The following SPTLC2 variants were observed in gnomAD, a reference collection of about 807,000 sequenced individuals.
SPTLC2 encodes serine palmitoyltransferase long chain base subunit 2, also known as serine palmitoyltransferase 2.
In SPTLC2, 21 loss-of-function variants were observed where a neutral mutation model predicts 62.0. The observed-to-expected ratio is 0.34, with a 90% confidence interval of 0.24 to 0.49. The LOEUF (loss-of-function observed/expected upper bound fraction) is 0.49. SPTLC2 is among the 20% of genes least tolerant of loss of function. The pLI, the probability that SPTLC2 is intolerant of heterozygous loss-of-function variation, is 0.99. For missense variants in SPTLC2, 511 were observed against 713.0 expected (o/e 0.72, Z 3.23); for synonymous variants, 261 against 261.8 (o/e 1.00, Z 0.03).
At chr14:77,537,698 A>T (rs2079478340) in intron 9 of SPTLC2, among the ~76,000 whole-genome samples, 1 of 152,210 alleles carries the variant, frequency 6.6e-6, no homozygotes, top group African/African-American at 2.4e-5. Context: ...ACTAGTAACT[A>T]TGTGTCCTTG....
At chr14:77,586,601 G>C (rs1261098165) in intron 2 of SPTLC2, among the ~76,000 whole-genome samples, 4 of 152,226 alleles carry the variant, frequency 2.6e-5, no homozygotes, top group African/African-American at 9.6e-5. Flanking sequence ...TTGCTACAAT[G>C]GTACATGAAT....
At chr14:77,592,220 C>T (rs1276814315) in intron 2 of SPTLC2, among the ~76,000 whole-genome samples, 2 of 151,830 alleles carry the variant, frequency 1.3e-5, no homozygotes, top group African/African-American at 4.8e-5. Context: ...CTGCAACTTC[C>T]GCCTCCCAGG....
rs973768589 is a variant in SPTLC2, at chr14:77,509,599, G to A, written c.*2685C>T. On this transcript the variant is annotated 3_prime_UTR_variant, in exon 12 of 12. Transcript: ENST00000216484. Reference sequence around the variant, plus strand: ...AATCAGGCCGTGTTAAACTGTGTAAGAAACTACTCTTGTATGCCTCAAATC... The same window carrying A: ...AATCAGGCCGTGTTAAACTGTGTAAAAAACTACTCTTGTATGCCTCAAATC... 5.0e-5 allele frequency: 15 copies of A among 300,818 alleles called. No homozygotes were observed. The highest frequency in any genetic ancestry group is 8.5e-5 in the Non-Finnish European group (14 of 164,956). The allele number at this position is 300,818 out of a possible 1,614,324, so 18.6% of individuals were successfully genotyped here. A position where few individuals can be genotyped will look rare whatever the true frequency, so the allele number is the denominator to read the frequency against.
intron 9 of SPTLC2, among the ~76,000 whole-genome samples, chr14:77,544,189 G>A (rs2079516631): frequency 6.6e-6 from 1 of 152,026 alleles, no homozygotes; most frequent in Non-Finnish European, 1.5e-5. Context: ...AGAATTTTTT[G>A]TAGAGACAGA....
intron 7 of SPTLC2, 63 bp from the exon 8 acceptor site, chr14:77,555,582 G>A: frequency 2.6e-6 from 4 of 1,510,460 alleles, no homozygotes; most frequent in Non-Finnish European, 2.7e-6. Context: ...AATCAAAATT[G>A]GGAGTTTGGC....
Position 77,507,416 on chromosome 14 carries a change from T to A in SPTLC2, c.*4868A>T, listed in dbSNP as rs1734129103. The A allele has an allele frequency of 6.6e-6, 1 of 151,856 alleles. No homozygotes were observed. The highest frequency in any genetic ancestry group is 2.1e-4 in the South Asian group (1 of 4,812). The allele number at this position is 151,856 out of a possible 1,614,324, so 9.4% of individuals were successfully genotyped here. A position where few individuals can be genotyped will look rare whatever the true frequency, so the allele number is the denominator to read the frequency against. On this transcript the variant is annotated 3_prime_UTR_variant, in exon 12 of 12. Transcript: ENST00000216484. ...TGTGATCTTGGCTCATTGCATCCTC[T>A]GCCTCTTGGGTTCAAGCAATTCCTG... is the stretch of plus-strand genomic sequence containing the variant.
In SPTLC2 at chr14:77,511,672, G is replaced by A. The variant is rs2079332808; in HGVS notation, c.*612C>T. 1 of 158,616 alleles carries A rather than the reference G, an allele frequency of 6.3e-6. No homozygotes were observed. Among genetic ancestry groups the A allele is most frequent in the African/African-American group, 2.4e-5 (1 of 41,478 alleles). 9.8% of individuals were successfully genotyped at this position (158,616 alleles called of 1,614,324 possible). On this transcript the variant is annotated 3_prime_UTR_variant, in exon 12 of 12. Transcript: ENST00000216484. ...TGGTGACCAGAAGAAAATGGAATAA[G>A]ACCAAACCCTTGGGAGATTACACAA...
chr14:77,601,941 C>T (rs749077155), intron 1 of SPTLC2, among the ~76,000 whole-genome samples: 6 of 152,196 alleles, frequency 3.9e-5, no homozygotes, highest in East Asian at 1.9e-4. Flanking sequence ...TTAATCATTG[C>T]AGGGATGCCT....
intron 8 of SPTLC2, among the ~76,000 whole-genome samples, chr14:77,554,559 C>T (rs902750730): frequency 2.0e-5 from 3 of 152,314 alleles, no homozygotes; most frequent in East Asian, 3.9e-4. Context: ...GGTGCACCCA[C>T]GTTGTAGCAT....
chr14:77,591,601 T>A (rs1181736669), intron 2 of SPTLC2, among the ~76,000 whole-genome samples: 5 of 152,168 alleles, frequency 3.3e-5, no homozygotes, highest in African/African-American at 1.2e-4. Flanking sequence ...CGCTCCATTG[T>A]CCAGGGTGGA....
chr14:77,561,065 G>A (rs569898489), intron 6 of SPTLC2, among the ~76,000 whole-genome samples: 3 of 150,938 alleles, frequency 2.0e-5, no homozygotes, highest in African/African-American at 7.3e-5. Flanking sequence ...GAGGCAATTT[G>A]GAAAAGTATT....
rs59356054 is a variant in SPTLC2 at position 77,565,242 on chromosome 14, C to CAAAAAAAAAAA, written c.757-2764_757-2754dup. Among the ~76,000 whole-genome samples the CAAAAAAAAAAA allele has an allele frequency of 8.0e-4, 27 of 33,708 alleles. 1 individual carries two copies. The highest frequency in any genetic ancestry group is 1.5e-3 in the South Asian group (1 of 668). 22.1% of individuals were successfully genotyped at this position (33,708 alleles called of 152,430 possible). A position where few individuals can be genotyped will look rare whatever the true frequency, so the allele number is the denominator to read the frequency against. ...GGGCAACAAGAGCAAAACTCCATCTCAAAAAAAAAAAAAAAAAAAAAAAAA... is the reference window on the plus strand; with the variant it reads ...GGGCAACAAGAGCAAAACTCCATCTCAAAAAAAAAAAAAAAAAAAAAAAAAAAAAAAAAAAA... On this transcript the variant is annotated intron_variant, in intron 5 of 11. Transcript: ENST00000216484.
rs560789738 is a variant in SPTLC2 at position 77,520,824 on chromosome 14, A to G, written c.1439+622T>C. Among the ~76,000 whole-genome samples the G allele has an allele frequency of 3.6e-3, 546 of 152,298 alleles. 1 individual carries two copies. The highest frequency in any genetic ancestry group is 5.8e-3 in the Non-Finnish European group (394 of 68,020). On this transcript the variant is annotated intron_variant, in intron 10 of 11. Coordinates refer to ENST00000216484, the MANE Select transcript of SPTLC2 (RefSeq NM_004863.4). ...ACTCTGATAAAACCTCTCTGACCTC[A>G]TGGCCCACTGCTCGCCCTGGGGCAC...
At chr14:77,560,217 T>G (rs547988181) in intron 6 of SPTLC2, among the ~76,000 whole-genome samples, 3 of 152,298 alleles carry the variant, frequency 2.0e-5, no homozygotes, top group South Asian at 4.1e-4. Context: ...TGCAAGCATG[T>G]GTATGTTCAT....
In SPTLC2 at chr14:77,561,364, C is replaced by G. The variant is rs186454303; in HGVS notation, c.850+1032G>C. 4.6e-3 allele frequency among the ~76,000 whole-genome samples: 696 copies of G among 152,228 alleles called. 3 individuals are homozygous for G. The highest frequency in any genetic ancestry group is 0.01 in the South Asian group (49 of 4,820). The stretch of plus-strand genomic sequence containing the variant: ...ATGGCTCACACCTGTAATCCCAGCA[C>G]TTTGGGAGGCCAAGGCGGGAGGATC... On this transcript the variant is annotated intron_variant, in intron 6 of 11. Coordinates refer to ENST00000216484, the MANE Select transcript of SPTLC2 (RefSeq NM_004863.4).
intron 9 of SPTLC2, among the ~76,000 whole-genome samples, chr14:77,525,984 C>G (rs571976928): frequency 1.3e-5 from 2 of 152,250 alleles, no homozygotes; most frequent in African/African-American, 4.8e-5. Context: ...CATCAAACTG[C>G]CAACATGCTA....
intron 6 of SPTLC2, among the ~76,000 whole-genome samples, chr14:77,559,146 C>T (rs1438136561): frequency 1.3e-5 from 2 of 151,924 alleles, no homozygotes; most frequent in Non-Finnish European, 2.9e-5. Flanking sequence ...ATGGCAAAAC[C>T]CTGTCTCTAC....
At chr14:77,601,363 T>C (rs888714132) in intron 1 of SPTLC2, among the ~76,000 whole-genome samples, 2 of 152,194 alleles carry the variant, frequency 1.3e-5, no homozygotes, top group Non-Finnish European at 2.9e-5. Flanking sequence ...TCCCCACCCT[T>C]GACAATGTAC....
intron 10 of SPTLC2, 79 bp from the exon 11 acceptor site, chr14:77,518,246 T>G: frequency 6.3e-7 from 1 of 1,592,548 alleles, no homozygotes; most frequent in South Asian, 1.1e-5. Flanking sequence ...TCCTCAAAGA[T>G]TTCAACTCTT....
Sources: allele counts gnomAD v4.1 joint callset (sites outside exome capture counted in the v4.1 genomes callset), GRCh38; gene constraint gnomAD v4.1.1; transcripts MANE v1.5; gene names NCBI Gene and HGNC (gene_info 2026-07-23, HGNC 2026-07-21).